The following TOM1L2 variants were observed in gnomAD, a reference collection of about 807,000 sequenced individuals.
The protein encoded by TOM1L2 is TOM1-like protein 2.
TOM1L2 carries 31 observed loss-of-function variants against 67.9 expected under a neutral mutation model. The observed-to-expected ratio is 0.46, with a 90% confidence interval of 0.34 to 0.62. The LOEUF (loss-of-function observed/expected upper bound fraction) is 0.62, where lower values mean the gene tolerates loss of function less well. TOM1L2 is among the 20% of genes least tolerant of loss of function. The pLI is 0.01. For synonymous variants in TOM1L2, 256 were observed against 254.0 expected (o/e 1.01, Z -0.07); for missense variants, 606 against 663.5 (o/e 0.91, Z 0.95).
At chr17:17,870,293 C>T (rs1199430298) in intron 7 of TOM1L2, among the ~76,000 whole-genome samples, 1 of 152,142 alleles carries the variant, frequency 6.6e-6, no homozygotes, top group Non-Finnish European at 1.5e-5. Context: ...CACTTTATGG[C>T]CTGGCTTCCA....
At chr17:17,875,278 A>G (rs2037367344) in intron 7 of TOM1L2, among the ~76,000 whole-genome samples, 1 of 152,106 alleles carries the variant, frequency 6.6e-6, no homozygotes, top group South Asian at 2.1e-4. Context: ...AGAAAAAAAA[A>G]AAAAAAGGAC....
chr17:17,935,330 G>A (rs1337583946), intron 1 of TOM1L2, among the ~76,000 whole-genome samples: 2 of 152,160 alleles, frequency 1.3e-5, no homozygotes, highest in African/African-American at 2.4e-5. Flanking sequence ...TAATCTGTTG[G>A]CAAATAACAG....
chr17:17,969,651 C>T (rs115624824), intron 1 of TOM1L2, among the ~76,000 whole-genome samples: 571 of 152,196 alleles, frequency 3.8e-3, no homozygotes, highest in African/African-American at 0.013. Flanking sequence ...AATCCTGGGG[C>T]CTGGTAGGGT....
intron 1 of TOM1L2, among the ~76,000 whole-genome samples, chr17:17,933,266 C>T (rs985314024): frequency 2.6e-5 from 4 of 152,304 alleles, no homozygotes; most frequent in Middle Eastern, 3.4e-3. Context: ...CACGAAAGGG[C>T]CAAAGGACTT....
At chr17:17,888,969 G>T (rs986721222) in intron 4 of TOM1L2, among the ~76,000 whole-genome samples, 1 of 152,210 alleles carries the variant, frequency 6.6e-6, no homozygotes, top group Non-Finnish European at 1.5e-5. Context: ...GGTGCCCCTG[G>T]GGGTAGAAGT....
chr17:17,863,909 C>G (rs571785863), intron 10 of TOM1L2, among the ~76,000 whole-genome samples: 2 of 152,210 alleles, frequency 1.3e-5, no homozygotes, highest in African/African-American at 4.8e-5. Context: ...TCTGGATGCC[C>G]AAGCTGGAGT....
chr17:17,847,904 A>T, intron 14 of TOM1L2, 121 bp from the exon 15 acceptor site: 1 of 1,361,450 alleles, frequency 7.3e-7, no homozygotes. Context: ...ACCTAGGAGC[A>T]GGTGGGTAGG....
chr17:17,879,668 C>G lies in TOM1L2; in HGVS notation c.736G>C (p.Val246Leu). Residue 246 changes from valine (V) to leucine (L), a missense_variant, in exon 7 of 15, where the codon GTC becomes CTC. Coordinates refer to ENST00000379504, the MANE Select transcript of TOM1L2 (RefSeq NM_001082968.2). ...KVMSEMLTEM[V>L]PGQEDSSDLE... ...TCAGATGAATCCTCCTGTCCAGGGA[C>G]CATTTCTGTTAACATCTCAGACATG... 1 of 1,614,228 alleles carries G rather than the reference C, an allele frequency of 6.2e-7. No individual in the cohort carries two copies. The highest frequency in any genetic ancestry group is 8.5e-7 in the Non-Finnish European group (1 of 1,180,042).
chr17:17,951,637 G>C (rs574972227), intron 1 of TOM1L2, among the ~76,000 whole-genome samples: 108 of 152,202 alleles, frequency 7.1e-4, no homozygotes, highest in Non-Finnish European at 9.7e-4. Context: ...GAAACGTAAA[G>C]GTCTTGCATA....
At chr17:17,964,916 C>T (rs575530965) in intron 1 of TOM1L2, among the ~76,000 whole-genome samples, 4 of 152,290 alleles carry the variant, frequency 2.6e-5, no homozygotes, top group East Asian at 1.9e-4. Flanking sequence ...TGACGCCCCA[C>T]GTGACTTTCA....
In TOM1L2 at chr17:17,882,689, C is replaced by T. The variant is rs759540134; in HGVS notation, c.660+16G>A. 1.4e-5 allele frequency: 22 copies of T among 1,612,148 alleles called. No individual in the cohort carries two copies. Among genetic ancestry groups the T allele is most frequent in the Middle Eastern group, 3.3e-4 (2 of 6,054 alleles). ...TAGTCAGCTGGCTTGCCTATGGCCC[C>T]GAAGTATGCAAGTACCTGTTCTGAA... On this transcript the variant is annotated intron_variant, in intron 6 of 14. Coordinates refer to ENST00000379504, the MANE Select transcript of TOM1L2 (RefSeq NM_001082968.2).
chr17:17,916,046 T>C (rs1388358241), intron 1 of TOM1L2, among the ~76,000 whole-genome samples: 1 of 151,870 alleles, frequency 6.6e-6, no homozygotes, highest in Non-Finnish European at 1.5e-5. Context: ...CTTTGCTAAA[T>C]CCAATGTCAT....
intron 1 of TOM1L2, among the ~76,000 whole-genome samples, chr17:17,958,204 C>G (rs767041568): frequency 4.6e-5 from 7 of 152,084 alleles, no homozygotes; most frequent in Non-Finnish European, 1.0e-4. Context: ...AACAAACGAA[C>G]GAACAAACCA....
intron 1 of TOM1L2, among the ~76,000 whole-genome samples, chr17:17,935,232 G>A (rs915864558): frequency 2.6e-5 from 4 of 152,230 alleles, no homozygotes; most frequent in African/African-American, 9.6e-5. Flanking sequence ...CTTTGGGGAG[G>A]CAGCTGAACT....
chr17:17,968,291 C>A (rs2041939549), intron 1 of TOM1L2, among the ~76,000 whole-genome samples: 1 of 152,132 alleles, frequency 6.6e-6, no homozygotes. Flanking sequence ...AGGTGTAAGC[C>A]CCATGCAGCT....
chr17:17,875,664 T>C (rs1199265139), intron 7 of TOM1L2, among the ~76,000 whole-genome samples: 1 of 152,240 alleles, frequency 6.6e-6, no homozygotes, highest in East Asian at 1.9e-4. Context: ...ATCCTCTTTT[T>C]TCTATCTAAT....
intron 1 of TOM1L2, among the ~76,000 whole-genome samples, chr17:17,959,296 T>C (rs1393708519): frequency 2.0e-5 from 3 of 152,174 alleles, no homozygotes; most frequent in Non-Finnish European, 2.9e-5. Flanking sequence ...CAGCTCCAGG[T>C]AGTTAGTGTC....
intron 1 of TOM1L2, among the ~76,000 whole-genome samples, chr17:17,958,859 C>T (rs549647113): frequency 6.6e-6 from 1 of 152,150 alleles, no homozygotes; most frequent in South Asian, 2.1e-4. Flanking sequence ...ACCTTACCTC[C>T]GGAAAGGGGA....
At chr17:17,886,670 C>T (rs952428634) in intron 4 of TOM1L2, among the ~76,000 whole-genome samples, 1 of 152,258 alleles carries the variant, frequency 6.6e-6, no homozygotes. Flanking sequence ...CATGGAGTAC[C>T]AACAGCTCCA....
Sources: gnomAD v4.1 joint callset for allele counts (sites outside exome capture counted in the v4.1 genomes callset) on GRCh38, gnomAD v4.1.1 for gene constraint, MANE v1.5 for transcripts, NCBI Gene and HGNC (gene_info 2026-07-23, HGNC 2026-07-21) for gene names.